The following ABI3BP variants were observed in gnomAD, a reference collection of about 807,000 sequenced individuals.
ABI3BP encodes target of Nesh-SH3.
In ABI3BP, 216 loss-of-function variants were observed where a neutral mutation model predicts 268.6. That is an observed-to-expected ratio of 0.80 (90% CI 0.72 to 0.90). The LOEUF (loss-of-function observed/expected upper bound fraction) is 0.90, where lower values mean the gene tolerates loss of function less well. Ranked by LOEUF, ABI3BP falls within the 40% of genes least tolerant of loss-of-function variation. The pLI, the probability that ABI3BP is intolerant of heterozygous loss-of-function variation, is 0.00. For missense variants in ABI3BP, 2,090 were observed against 2,182.4 expected, an observed-to-expected ratio of 0.96 and a Z score of 0.84; for synonymous variants, 730 against 730.0, an observed-to-expected ratio of 1.00 and a Z score of 0.00.
intron 1 of ABI3BP, among the ~76,000 whole-genome samples, chr3:100,959,350 C>T (rs1584943870): frequency 1.3e-5 from 2 of 151,090 alleles, no homozygotes; most frequent in South Asian, 4.2e-4. Flanking sequence ...ATTAGCCGGG[C>T]GTGGTAGCGG....
chr3:100,882,654 G>A (rs2039957250), intron 6 of ABI3BP, among the ~76,000 whole-genome samples: 1 of 151,918 alleles, frequency 6.6e-6, no homozygotes, highest in African/African-American at 2.4e-5. Flanking sequence ...GCAGGAAGTT[G>A]CTTCCTAGCC....
chr3:100,975,601 T>G (rs1157032129), intron 1 of ABI3BP, among the ~76,000 whole-genome samples: 1 of 152,054 alleles, frequency 6.6e-6, no homozygotes, highest in Non-Finnish European at 1.5e-5. Flanking sequence ...AGCCTGAATG[T>G]TTTGCTTGTT....
At chr3:100,975,992 T>C (rs2086007522) in intron 1 of ABI3BP, among the ~76,000 whole-genome samples, 1 of 152,174 alleles carries the variant, frequency 6.6e-6, no homozygotes, top group South Asian at 2.1e-4. Context: ...TGTTTTGTTA[T>C]ATGCTTTCTT....
chr3:100,754,749 C>T, intron 63 of ABI3BP, 58 bp from the exon 64 acceptor site: 1 of 1,399,070 alleles, frequency 7.1e-7, no homozygotes, highest in South Asian at 1.2e-5. Context: ...TAGGAGGCAA[C>T]ATTGCCCTAT....
chr3:100,898,926 GGA>G, intron 3 of ABI3BP, 32 bp from the exon 4 acceptor site: 1 of 1,565,468 alleles, frequency 6.4e-7, no homozygotes, highest in Non-Finnish European at 8.6e-7. Flanking sequence ...TAATAATTCA[GGA>G]GACATTTAGT....
chr3:100,919,128 T>TAC (rs1465615437), intron 2 of ABI3BP, among the ~76,000 whole-genome samples: 1 of 152,202 alleles, frequency 6.6e-6, no homozygotes, highest in Non-Finnish European at 1.5e-5. Flanking sequence ...TGGCTGGTAC[T>TAC]ACATCATTTC....
chr3:100,824,002 A>C (rs1200769998), intron 36 of ABI3BP, among the ~76,000 whole-genome samples: 1 of 152,194 alleles, frequency 6.6e-6, no homozygotes, highest in Non-Finnish European at 1.5e-5. Flanking sequence ...TCATCTATAC[A>C]CAGAGTTTGA....
intron 20 of ABI3BP, among the ~76,000 whole-genome samples, chr3:100,844,691 T>A (rs936819427): frequency 6.6e-6 from 1 of 152,176 alleles, no homozygotes; most frequent in African/African-American, 2.4e-5. Context: ...CCAGTCATCA[T>A]CCTGTGTTGC....
chr3:100,828,758 C>G (rs1383695989), intron 33 of ABI3BP, among the ~76,000 whole-genome samples: 3 of 152,080 alleles, frequency 2.0e-5, no homozygotes, highest in African/African-American at 7.2e-5. Context: ...AGATGATACA[C>G]ATTTTGCTGA....
intron 62 of ABI3BP, 60 bp downstream of exon 62, chr3:100,770,667 ACCCAGGGTACCCCACT>A: frequency 7.4e-7 from 1 of 1,343,348 alleles, no homozygotes; most frequent in Non-Finnish European, 9.7e-7. Flanking sequence ...GTCAACGTTG[ACCCAGGGTACCCCACT>A]CCCAGGGTAT....
intron 51 of ABI3BP, among the ~76,000 whole-genome samples, chr3:100,803,740 G>A (rs2097603359): frequency 6.6e-6 from 1 of 152,162 alleles, no homozygotes; most frequent in African/African-American, 2.4e-5. Flanking sequence ...CAAGTGAGAT[G>A]AGGTTTTTTT....
intron 30 of ABI3BP, among the ~76,000 whole-genome samples, chr3:100,832,867 A>G (rs1026147821): frequency 3.3e-5 from 5 of 152,150 alleles, no homozygotes; most frequent in African/African-American, 7.2e-5. Flanking sequence ...ATATATGGGG[A>G]ATTGTAGTTG....
At chr3:100,816,099 G>A in intron 43 of ABI3BP, 128 bp from the exon 44 acceptor site, 4 of 672,594 alleles carry the variant, frequency 5.9e-6, no homozygotes, top group Non-Finnish European at 9.6e-6. Context: ...TTGATAGGCA[G>A]CATATAGTTG....
intron 63 of ABI3BP, among the ~76,000 whole-genome samples, chr3:100,755,300 T>C (rs1367570948): frequency 6.6e-6 from 1 of 152,210 alleles, no homozygotes; most frequent in African/African-American, 2.4e-5. Flanking sequence ...TGAGAACTAC[T>C]AGACTAAGCT....
At chr3:100,760,004 G>A (rs1340847849) in intron 63 of ABI3BP, among the ~76,000 whole-genome samples, 1 of 152,176 alleles carries the variant, frequency 6.6e-6, no homozygotes, top group Non-Finnish European at 1.5e-5. Context: ...CAGCCAGATT[G>A]ACAGTGTATA....
intron 9 of ABI3BP, among the ~76,000 whole-genome samples, chr3:100,870,190 G>A (rs2099096324): frequency 1.3e-5 from 2 of 152,120 alleles, no homozygotes; most frequent in South Asian, 2.1e-4. Context: ...AAAAAACAGT[G>A]CTTCTGTGCA....
chr3:100,826,380 C>A (rs1056656809), intron 34 of ABI3BP, among the ~76,000 whole-genome samples: 1 of 152,084 alleles, frequency 6.6e-6, no homozygotes, highest in Admixed American at 6.6e-5. Flanking sequence ...TGAACTATAT[C>A]AAGTACACCA....
In ABI3BP at chr3:100,770,829, G is replaced by A; in HGVS notation, c.4655C>T (p.Pro1552Leu). 6.2e-7 allele frequency: 1 copy of A among 1,600,544 alleles called. No homozygotes were observed. Among genetic ancestry groups the A allele is most frequent in the African/African-American group, 1.3e-5 (1 of 74,638 alleles). ...CACGGTGACCACAGTGAGGTTGGTGGGTGGGTTCTGTGGTGGGCTGGTGGC... is the reference window on the plus strand; with the variant it reads ...CACGGTGACCACAGTGAGGTTGGTGAGTGGGTTCTGTGGTGGGCTGGTGGC... Reference protein sequence around the residue: ...GNATSPPQNPPTNLTVVTVEG... With the variant: ...GNATSPPQNPLTNLTVVTVEG... Residue 1552 changes from proline (P) to leucine (L), a missense_variant, in exon 62 of 68, where the codon CCC (proline) becomes CTC (leucine). Pro to Leu is a moderately conservative substitution (Grantham distance 98). Coordinates refer to ENST00000471714, the MANE Select transcript of ABI3BP (RefSeq NM_001375547.2).
chr3:100,875,607 G>C (rs776301589), intron 7 of ABI3BP, 28 bp from the exon 8 acceptor site: 1 of 1,546,674 alleles, frequency 6.5e-7, no homozygotes, highest in Middle Eastern at 1.7e-4. Flanking sequence ...GACAGTGTGA[G>C]GGGGTGGGAA....
Sources: allele counts gnomAD v4.1 joint callset (sites outside exome capture counted in the v4.1 genomes callset), GRCh38; gene constraint gnomAD v4.1.1; transcripts MANE v1.5; gene names NCBI Gene and HGNC (gene_info 2026-07-23, HGNC 2026-07-21).